Variants in SMIM10L1 observed in about 807,000 individuals in gnomAD.
SMIM10L1 encodes the protein small integral membrane protein 10-like protein 1.
SMIM10L1 carries 6 observed loss-of-function variants against 4.5 expected under a neutral mutation model. That is an observed-to-expected ratio of 1.33 (90% CI 0.73 to 2.62). The LOEUF (loss-of-function observed/expected upper bound fraction) is 2.62, where lower values mean the gene tolerates loss of function less well. SMIM10L1 is among the 30% of genes most tolerant of loss of function. The pLI is 0.00. For synonymous variants in SMIM10L1, 49 were observed against 42.2 expected (o/e 1.16, Z -0.63); for missense variants, 66 against 86.2 (o/e 0.77, Z 0.93).
rs1947853694 is a variant in SMIM10L1, at chr12:11,171,674, T to C, written c.*111T>C. On this transcript the variant is annotated 3_prime_UTR_variant, in exon 1 of 1. Transcript: ENST00000622602. The stretch of plus-strand genomic sequence containing the variant: ...GAGCCCCACAGTCTCGCGAGAGTGC[T>C]CAGGCGCTCTTCGTGGCTGCCCTCT... The C allele has an allele frequency of 1.3e-6, 1 of 773,196 alleles. No individual in the cohort carries two copies. Among genetic ancestry groups the C allele is most frequent in the Non-Finnish European group, 1.8e-6 (1 of 569,446 alleles). 47.9% of individuals were successfully genotyped at this position (773,196 alleles called of 1,614,324 possible).
In SMIM10L1 at chr12:11,171,330, C is replaced by G; in HGVS notation, c.-27C>G. ...GCCCTGCGGCAACCCTCGCTACAGA[C>G]GCTGGGCGGGCGGCGACACCTGGCT... On this transcript the variant is annotated 5_prime_UTR_variant, in exon 1 of 1. Coordinates refer to ENST00000622602, the MANE Select transcript of SMIM10L1 (RefSeq NM_001271592.2). 3 of 1,226,254 alleles carry G rather than the reference C, an allele frequency of 2.4e-6. No homozygotes were observed. The highest frequency in any genetic ancestry group is 3.1e-6 in the Non-Finnish European group (3 of 982,774). 76.0% of individuals were successfully genotyped at this position (1,226,254 alleles called of 1,614,324 possible).
In SMIM10L1 at chr12:11,171,389, C is replaced by A. The variant is rs1947838957; in HGVS notation, c.33C>A (p.Ala11=). Residue 11 remains alanine (A), a synonymous_variant, in exon 1 of 1, where the codon GCC becomes GCA. Transcript: ENST00000622602. The part of the protein sequence containing the change: MAPAAAPSSL[A]VRASSPAATP... The stretch of plus-strand genomic sequence containing the variant: ...CCGCGGCGGCTCCGTCCTCCTTGGC[C>A]GTCAGGGCCTCAAGCCCCGCCGCGA... 5 of 1,232,054 alleles carry A rather than the reference C, an allele frequency of 4.1e-6. No individual in the cohort carries two copies. The highest frequency in any genetic ancestry group is 8.2e-5 in the South Asian group (2 of 24,318). 76.3% of individuals were successfully genotyped at this position (1,232,054 alleles called of 1,614,324 possible). A position where few individuals can be genotyped will look rare whatever the true frequency, so the allele number is the denominator to read the frequency against.
At position 11,172,756 on chromosome 12, in the gene SMIM10L1, AAAAT is replaced by A. The variant is rs778508250; in HGVS notation, c.*1197_*1200del. 4 of 152,208 alleles carry A rather than the reference AAAAT, an allele frequency of 2.6e-5. No individual in the cohort carries two copies. The highest frequency in any genetic ancestry group is 4.4e-5 in the Non-Finnish European group (3 of 68,042). 9.4% of individuals were successfully genotyped at this position (152,208 alleles called of 1,614,324 possible). On this transcript the variant is annotated 3_prime_UTR_variant, in exon 1 of 1. Coordinates refer to ENST00000622602, the MANE Select transcript of SMIM10L1 (RefSeq NM_001271592.2). ...GAACATATAATTTTGAACGCTGAGA[AAAAT>A]AAAAATTTAAAAACTACACTGTATA...
rs1338103250 is a variant in SMIM10L1 at position 11,175,607 on chromosome 12, CTA to C, written c.*4046_*4047del. 3 of 152,168 alleles carry C rather than the reference CTA, an allele frequency of 2.0e-5. No individual in the cohort carries two copies. The East Asian group carries it at 5.8e-4, about 29-fold the overall frequency. The allele number at this position is 152,168 out of a possible 1,614,324, so 9.4% of individuals were successfully genotyped here. A position where few individuals can be genotyped will look rare whatever the true frequency, so the allele number is the denominator to read the frequency against. On this transcript the variant is annotated 3_prime_UTR_variant, in exon 1 of 1. Transcript: ENST00000622602. ...ACCAAGAAAAGAACCTCTGCAAGAA[CTA>C]TGAGAATTCCCAACAATTGGGTTGG...
chr12:11,171,467 C>T lies in SMIM10L1; in HGVS notation c.111C>T (p.Ala37=), dbSNP rs1444824585. 7.3e-6 allele frequency: 9 copies of T among 1,232,214 alleles called. No homozygotes were observed. The East Asian group carries it at 2.8e-4, about 39-fold the overall frequency. The allele number at this position is 1,232,214 out of a possible 1,614,324, so 76.3% of individuals were successfully genotyped here. A position where few individuals can be genotyped will look rare whatever the true frequency, so the allele number is the denominator to read the frequency against. Residue 37 remains alanine (A), a synonymous_variant, in exon 1 of 1, where the codon GCC becomes GCT. Coordinates refer to ENST00000622602, the MANE Select transcript of SMIM10L1 (RefSeq NM_001271592.2). ...AGGGGCTCTCCCGCACCCTGCTCGC[C>T]TTCTTCGAGCTGGCCTGGCAGCTGC... ...FCKGLSRTLL[A]FFELAWQLRM...
At position 11,172,993 on chromosome 12, in the gene SMIM10L1, T is replaced by TA. The variant is rs1348058641; in HGVS notation, c.*1437dup. On this transcript the variant is annotated 3_prime_UTR_variant, in exon 1 of 1. Transcript: ENST00000622602. The stretch of plus-strand genomic sequence containing the variant: ...GAGTATACACATGTTTTCTTCGGAT[T>TA]AAAAAAACTAATAATAAATCACCAA... The TA allele has an allele frequency of 1.3e-5, 2 of 151,630 alleles. No individual in the cohort carries two copies. Among genetic ancestry groups the TA allele is most frequent in the African/African-American group, 4.8e-5 (2 of 41,264 alleles). The allele number at this position is 151,630 out of a possible 1,614,324, so 9.4% of individuals were successfully genotyped here. A position where few individuals can be genotyped will look rare whatever the true frequency, so the allele number is the denominator to read the frequency against.
At position 11,173,130 on chromosome 12, in the gene SMIM10L1, T is replaced by C. The variant is rs1471605036; in HGVS notation, c.*1567T>C. ...TAATAAACCACTAAGAGGGGTAAAG[T>C]GTTAAAATAGTTGCATTGTTCTATA... is the stretch of plus-strand genomic sequence containing the variant. On this transcript the variant is annotated 3_prime_UTR_variant, in exon 1 of 1. Coordinates refer to ENST00000622602, the MANE Select transcript of SMIM10L1 (RefSeq NM_001271592.2). The C allele has an allele frequency of 1.3e-5, 2 of 151,988 alleles. No homozygotes were observed. Among genetic ancestry groups the C allele is most frequent in the African/African-American group, 4.8e-5 (2 of 41,368 alleles). The allele number at this position is 151,988 out of a possible 1,614,324, so 9.4% of individuals were successfully genotyped here. A position where few individuals can be genotyped will look rare whatever the true frequency, so the allele number is the denominator to read the frequency against.
chr12:11,171,417 C>G lies in SMIM10L1; in HGVS notation c.61C>G (p.Pro21Ala). 8.1e-7 allele frequency: 1 copy of G among 1,232,068 alleles called. No individual in the cohort carries two copies. The highest frequency in any genetic ancestry group is 1.0e-6 in the Non-Finnish European group (1 of 987,922). The allele number at this position is 1,232,068 out of a possible 1,614,324, so 76.3% of individuals were successfully genotyped here. ...AVRASSPAAT[P>A]TSYGVFCKGL... ...CAGGGCCTCAAGCCCCGCCGCGACA[C>G]CCACCTCGTACGGCGTCTTCTGCAA... is the stretch of plus-strand genomic sequence containing the variant. Residue 21 changes from proline (P) to alanine (A), a missense_variant, in exon 1 of 1, where the codon CCC becomes GCC. Coordinates refer to ENST00000622602, the MANE Select transcript of SMIM10L1 (RefSeq NM_001271592.2).
chr12:11,174,492 C>T lies in SMIM10L1; in HGVS notation c.*2929C>T, dbSNP rs926916318. ...TTGGGCTTTTTCAGGCCATCATGCACGTTGATTGATCCAGAGATCCCTCAA... is the reference window on the plus strand; with the variant it reads ...TTGGGCTTTTTCAGGCCATCATGCATGTTGATTGATCCAGAGATCCCTCAA... On this transcript the variant is annotated 3_prime_UTR_variant, in exon 1 of 1. Coordinates refer to ENST00000622602, the MANE Select transcript of SMIM10L1 (RefSeq NM_001271592.2). 1 of 151,488 alleles carries T rather than the reference C, an allele frequency of 6.6e-6. No individual in the cohort carries two copies. The highest frequency in any genetic ancestry group is 1.5e-5 in the Non-Finnish European group (1 of 67,930). The allele number at this position is 151,488 out of a possible 1,614,324, so 9.4% of individuals were successfully genotyped here. A position where few individuals can be genotyped will look rare whatever the true frequency, so the allele number is the denominator to read the frequency against.
chr12:11,174,683 GTT>G lies in SMIM10L1; in HGVS notation c.*3132_*3133del, dbSNP rs66579623. On this transcript the variant is annotated 3_prime_UTR_variant, in exon 1 of 1. Transcript: ENST00000622602. ...TAACCTAAGGGATAGGGGAAAAGTT[GTT>G]TTTTTTTTTTTAATTCTGGGTAAAA... is the stretch of plus-strand genomic sequence containing the variant. The G allele has an allele frequency of 3.5e-4, 51 of 146,746 alleles. No homozygotes were observed. Among genetic ancestry groups the G allele is most frequent in the East Asian group, 1.2e-3 (6 of 5,068 alleles). The allele number at this position is 146,746 out of a possible 1,614,324, so 9.1% of individuals were successfully genotyped here. A position where few individuals can be genotyped will look rare whatever the true frequency, so the allele number is the denominator to read the frequency against.
Position 11,171,719 on chromosome 12 carries a change from T to A in SMIM10L1, c.*156T>A. 2.1e-6 allele frequency: 1 copy of A among 471,460 alleles called. No individual in the cohort carries two copies. The allele number at this position is 471,460 out of a possible 1,614,324, so 29.2% of individuals were successfully genotyped here. ...CCCTCTTAGCTGCTAGCGGAGCTCC[T>A]CAGGGGGCGGCCGGGAGCCTACAAT... On this transcript the variant is annotated 3_prime_UTR_variant, in exon 1 of 1. Coordinates refer to ENST00000622602, the MANE Select transcript of SMIM10L1 (RefSeq NM_001271592.2).
rs555358860 is a variant in SMIM10L1, at chr12:11,172,743, T to C, written c.*1180T>C. 8.0e-4 allele frequency: 122 copies of C among 152,296 alleles called. No individual in the cohort carries two copies. Among genetic ancestry groups the C allele is most frequent in the African/African-American group, 2.8e-3 (117 of 41,560 alleles). The allele number at this position is 152,296 out of a possible 1,614,324, so 9.4% of individuals were successfully genotyped here. A position where few individuals can be genotyped will look rare whatever the true frequency, so the allele number is the denominator to read the frequency against. ...AATTAAGAAAACAGAACATATAATT[T>C]TGAACGCTGAGAAAAATAAAAATTT... On this transcript the variant is annotated 3_prime_UTR_variant, in exon 1 of 1. Coordinates refer to ENST00000622602, the MANE Select transcript of SMIM10L1 (RefSeq NM_001271592.2).
At position 11,173,158 on chromosome 12, in the gene SMIM10L1, C is replaced by G. The variant is rs528599862; in HGVS notation, c.*1595C>G. On this transcript the variant is annotated 3_prime_UTR_variant, in exon 1 of 1. Transcript: ENST00000622602. ...TAAAATAGTTGCATTGTTCTATATT[C>G]CACTCATTGTGTCCAGCAAACAGTG... 8 of 152,032 alleles carry G rather than the reference C, an allele frequency of 5.3e-5. No homozygotes were observed. The highest frequency in any genetic ancestry group is 3.3e-4 in the Admixed American group (5 of 15,270). The allele number at this position is 152,032 out of a possible 1,614,324, so 9.4% of individuals were successfully genotyped here. A position where few individuals can be genotyped will look rare whatever the true frequency, so the allele number is the denominator to read the frequency against.
rs1947896750 is a variant in SMIM10L1, at chr12:11,173,305, A to G, written c.*1742A>G. ...AAACTCCATTTGGGCACATTCTCCT[A>G]TAGCCTTTTCTACCTGAAGATACTC... On this transcript the variant is annotated 3_prime_UTR_variant, in exon 1 of 1. Transcript: ENST00000622602. The G allele has an allele frequency of 6.6e-6, 1 of 152,140 alleles. No homozygotes were observed. Among genetic ancestry groups the G allele is most frequent in the African/African-American group, 2.4e-5 (1 of 41,436 alleles). The allele number at this position is 152,140 out of a possible 1,614,324, so 9.4% of individuals were successfully genotyped here. A position where few individuals can be genotyped will look rare whatever the true frequency, so the allele number is the denominator to read the frequency against.
Position 11,174,121 on chromosome 12 carries a change from T to C in SMIM10L1, c.*2558T>C, listed in dbSNP as rs1469319369. ...TGGTTTATCATTTATTCACAATTGC[T>C]CTTAATTCTTGGGGTATAGTTTGCC... is the stretch of plus-strand genomic sequence containing the variant. On this transcript the variant is annotated 3_prime_UTR_variant, in exon 1 of 1. Coordinates refer to ENST00000622602, the MANE Select transcript of SMIM10L1 (RefSeq NM_001271592.2). The C allele has an allele frequency of 6.6e-6, 1 of 152,012 alleles. No homozygotes were observed. The highest frequency in any genetic ancestry group is 1.5e-5 in the Non-Finnish European group (1 of 67,966). 9.4% of individuals were successfully genotyped at this position (152,012 alleles called of 1,614,324 possible). A position where few individuals can be genotyped will look rare whatever the true frequency, so the allele number is the denominator to read the frequency against.
At position 11,174,330 on chromosome 12, in the gene SMIM10L1, T is replaced by A. The variant is rs186540414; in HGVS notation, c.*2767T>A. On this transcript the variant is annotated 3_prime_UTR_variant, in exon 1 of 1. Coordinates refer to ENST00000622602, the MANE Select transcript of SMIM10L1 (RefSeq NM_001271592.2). ...TCCCCAAGCCTAGAGCACTGCCCAG[T>A]GCGGAATAGCTAATAAATATTGTTG... The A allele has an allele frequency of 6.6e-6, 1 of 152,186 alleles. No homozygotes were observed. Among genetic ancestry groups the A allele is most frequent in the South Asian group, 2.1e-4 (1 of 4,834 alleles). 9.4% of individuals were successfully genotyped at this position (152,186 alleles called of 1,614,324 possible).
rs1209427973 is a variant in SMIM10L1, at chr12:11,175,847, G to A, written c.*4284G>A. 6.6e-6 allele frequency: 1 copy of A among 152,120 alleles called. No homozygotes were observed. The highest frequency in any genetic ancestry group is 1.5e-5 in the Non-Finnish European group (1 of 68,034). The allele number at this position is 152,120 out of a possible 1,614,324, so 9.4% of individuals were successfully genotyped here. On this transcript the variant is annotated 3_prime_UTR_variant, in exon 1 of 1. Coordinates refer to ENST00000622602, the MANE Select transcript of SMIM10L1 (RefSeq NM_001271592.2). ...TGAATGGGATTAGTGCCTTTATAAA[G>A]GAGACCCCAAAATAATTCCCTTACC...
At position 11,174,113 on chromosome 12, in the gene SMIM10L1, A is replaced by G. The variant is rs1947913683; in HGVS notation, c.*2550A>G. 1.3e-5 allele frequency: 2 copies of G among 151,992 alleles called. No homozygotes were observed. The highest frequency in any genetic ancestry group is 4.1e-4 in the South Asian group (2 of 4,826). The allele number at this position is 151,992 out of a possible 1,614,324, so 9.4% of individuals were successfully genotyped here. A position where few individuals can be genotyped will look rare whatever the true frequency, so the allele number is the denominator to read the frequency against. On this transcript the variant is annotated 3_prime_UTR_variant, in exon 1 of 1. Coordinates refer to ENST00000622602, the MANE Select transcript of SMIM10L1 (RefSeq NM_001271592.2). The stretch of plus-strand genomic sequence containing the variant: ...AAACTCTGTGGTTTATCATTTATTC[A>G]CAATTGCTCTTAATTCTTGGGGTAT...
In SMIM10L1 at chr12:11,175,801, G is replaced by A. The variant is rs754027812; in HGVS notation, c.*4238G>A. ...GATGGGACCTTTGGGAGGTGATCAG[G>A]TCATAAAGATGAAACCCTCGTGAAT... On this transcript the variant is annotated 3_prime_UTR_variant, in exon 1 of 1. Transcript: ENST00000622602. 13 of 152,132 alleles carry A rather than the reference G, an allele frequency of 8.5e-5. No individual in the cohort carries two copies. The highest frequency in any genetic ancestry group is 1.6e-4 in the Non-Finnish European group (11 of 68,046). 9.4% of individuals were successfully genotyped at this position (152,132 alleles called of 1,614,324 possible). A position where few individuals can be genotyped will look rare whatever the true frequency, so the allele number is the denominator to read the frequency against.
Sources: allele counts gnomAD v4.1 joint callset, GRCh38; gene constraint gnomAD v4.1.1; transcripts MANE v1.5; gene names NCBI Gene and HGNC (gene_info 2026-07-23, HGNC 2026-07-21).